The following LRRIQ3 variants were observed in gnomAD, a reference collection of about 807,000 sequenced individuals.
LRRIQ3 encodes the protein leucine-rich repeat and IQ domain-containing protein 3.
In LRRIQ3, 75 loss-of-function variants were observed where a neutral mutation model predicts 59.3. That is an observed-to-expected ratio of 1.26 (90% CI 1.05 to 1.53). The LOEUF (loss-of-function observed/expected upper bound fraction) is 1.53. LRRIQ3 is among the 40% of genes most tolerant of loss of function. The pLI is 0.00. For missense variants in LRRIQ3, 831 were observed against 710.0 expected, an observed-to-expected ratio of 1.17 and a Z score of -1.94; for synonymous variants, 250 against 231.3, an observed-to-expected ratio of 1.08 and a Z score of -0.73.
chr1:74,051,118 A>G (rs1654358069), intron 6 of LRRIQ3, among the ~76,000 whole-genome samples: 1 of 152,306 alleles, frequency 6.6e-6, no homozygotes, highest in Non-Finnish European at 1.5e-5. Flanking sequence ...TCTGAAAATT[A>G]GACATTCTGT....
At chr1:74,192,262 C>G (rs1040301975) in intron 1 of LRRIQ3, among the ~76,000 whole-genome samples, 9 of 151,986 alleles carry the variant, frequency 5.9e-5, no homozygotes, top group African/African-American at 1.9e-4. Flanking sequence ...ATTTTAGAAT[C>G]AGGGAGTACA....
At chr1:74,154,898 C>T (rs1165762572) in intron 4 of LRRIQ3, among the ~76,000 whole-genome samples, 1 of 152,158 alleles carries the variant, frequency 6.6e-6, no homozygotes, top group Non-Finnish European at 1.5e-5. Context: ...TATTTATGGT[C>T]AGTTTCACTA....
chr1:74,150,823 A>C (rs1241563764), intron 4 of LRRIQ3, among the ~76,000 whole-genome samples: 2 of 152,006 alleles, frequency 1.3e-5, no homozygotes, highest in South Asian at 2.1e-4. Context: ...AATTGCCTTA[A>C]ATTTACTCTT....
intron 6 of LRRIQ3, among the ~76,000 whole-genome samples, chr1:74,072,742 A>C (rs905519425): frequency 6.6e-6 from 1 of 152,118 alleles, no homozygotes; most frequent in African/African-American, 2.4e-5. Flanking sequence ...CCATTTTGAA[A>C]AAAAATTTAA....
Position 74,173,564 on chromosome 1 carries a change from A to G in LRRIQ3, c.573+8974T>C, listed in dbSNP as rs116000241. ...TGAGGTTTGTATCAAACCTCTTAAT[A>G]AAGTCTATTTTAAGCTGCTATAAAT... On this transcript the variant is annotated intron_variant, in intron 3 of 7. Transcript: ENST00000354431. Among the ~76,000 whole-genome samples the G allele has an allele frequency of 3.8e-3, 585 of 152,016 alleles. 5 individuals are homozygous for G. Among genetic ancestry groups the G allele is most frequent in the Non-Finnish European group, 6.3e-3 (430 of 67,958 alleles).
intron 4 of LRRIQ3, among the ~76,000 whole-genome samples, chr1:74,128,130 C>T (rs1191302731): frequency 6.6e-6 from 1 of 151,950 alleles, no homozygotes; most frequent in Non-Finnish European, 1.5e-5. Context: ...TTTTCTCTTG[C>T]TGCTTTCAGG....
chr1:74,029,331 G>A (rs1193348380), intron 7 of LRRIQ3, among the ~76,000 whole-genome samples: 1 of 152,128 alleles, frequency 6.6e-6, no homozygotes, highest in Non-Finnish European at 1.5e-5. Context: ...TGCCCATTCA[G>A]TATGACATTG....
At chr1:74,174,018 G>A (rs946930569) in intron 3 of LRRIQ3, among the ~76,000 whole-genome samples, 8 of 151,860 alleles carry the variant, frequency 5.3e-5, no homozygotes, top group Middle Eastern at 3.2e-3. Context: ...TTCTATCTAC[G>A]TGCAGATTTT....
Position 74,182,577 on chromosome 1 carries a change from G to T in LRRIQ3, c.534C>A (p.Asn178Lys), listed in dbSNP as rs144700840. 1.3e-6 allele frequency: 2 copies of T among 1,597,014 alleles called. No homozygotes were observed. Among genetic ancestry groups the T allele is most frequent in the East Asian group, 4.5e-5 (2 of 44,240 alleles). ...WHLPERFKAC[N>K]HRLFFNFCPA... Reference sequence around the variant, plus strand: ...GGCAGAAATTAAAGAAAAGTCGATGGTTACATGCTTTGAATCTTTCAGGAA... The same window carrying T: ...GGCAGAAATTAAAGAAAAGTCGATGTTTACATGCTTTGAATCTTTCAGGAA... The change falls in exon 3 of 8, where the codon AAC becomes AAA. Residue 178 changes from asparagine (N) to lysine (K), a missense_variant. Asn to Lys is a moderately conservative substitution (Grantham distance 94, BLOSUM62 0). Coordinates refer to ENST00000354431, the MANE Select transcript of LRRIQ3 (RefSeq NM_001105659.2).
chr1:74,056,352 G>A (rs1654536286), intron 6 of LRRIQ3, among the ~76,000 whole-genome samples: 1 of 151,880 alleles, frequency 6.6e-6, no homozygotes, highest in Non-Finnish European at 1.5e-5. Context: ...ATTCAACATA[G>A]TACTAGAAGT....
At chr1:74,068,858 T>TA (rs1654941823) in intron 6 of LRRIQ3, among the ~76,000 whole-genome samples, 1 of 151,034 alleles carries the variant, frequency 6.6e-6, no homozygotes, top group Non-Finnish European at 1.5e-5. Context: ...TAAAATTGCA[T>TA]AAAGCACAAG....
At chr1:74,061,657 A>G (rs1313426983) in intron 6 of LRRIQ3, among the ~76,000 whole-genome samples, 1 of 152,210 alleles carries the variant, frequency 6.6e-6, no homozygotes, top group East Asian at 1.9e-4. Flanking sequence ...CCCTGAAGGT[A>G]ACCTAGGAAA....
chr1:74,060,917 G>A (rs796982233), intron 6 of LRRIQ3, among the ~76,000 whole-genome samples: 5 of 152,160 alleles, frequency 3.3e-5, no homozygotes, highest in African/African-American at 1.2e-4. Flanking sequence ...AGTGACTTCT[G>A]GGGAAGGAGT....
chr1:74,189,255 T>C (rs1650602367), intron 1 of LRRIQ3, among the ~76,000 whole-genome samples: 1 of 152,154 alleles, frequency 6.6e-6, no homozygotes, highest in Admixed American at 6.5e-5. Flanking sequence ...TCCCAAAGCA[T>C]AAAAGCAGAA....
intron 3 of LRRIQ3, chr1:74,181,788 C>G (rs576925456): frequency 6.6e-6 from 1 of 151,704 alleles, no homozygotes; most frequent in African/African-American, 2.4e-5. Context: ...AGTTTTTCCA[C>G]GCATAATCAC....
In LRRIQ3 at chr1:74,182,764, C is replaced by T. The variant is rs1283734238; in HGVS notation, c.347G>A (p.Cys116Tyr). The change falls in exon 3 of 8, where the codon TGT becomes TAT. Residue 116 changes from cysteine (C) to tyrosine (Y), a missense_variant. Coordinates refer to ENST00000354431, the MANE Select transcript of LRRIQ3 (RefSeq NM_001105659.2). ...DNGFAKLKNICVLSACPTLIA... is the reference protein window; with the variant it reads ...DNGFAKLKNIYVLSACPTLIA... ...GAGGGTTGGACAGGCAGATAATACA[C>T]ATATATTCTTTAACTTTGCAAACCC... 1 of 1,611,212 alleles carries T rather than the reference C, an allele frequency of 6.2e-7. No homozygotes were observed. Among genetic ancestry groups the T allele is most frequent in the African/African-American group, 1.3e-5 (1 of 74,832 alleles).
chr1:74,121,075 A>C (rs930315594), intron 4 of LRRIQ3, among the ~76,000 whole-genome samples: 4 of 152,144 alleles, frequency 2.6e-5, no homozygotes, highest in Non-Finnish European at 4.4e-5. Context: ...AACTTTTCCT[A>C]TGTGCAGGAA....
intron 6 of LRRIQ3, among the ~76,000 whole-genome samples, chr1:74,048,566 C>G (rs1166536397): frequency 6.6e-6 from 1 of 152,174 alleles, no homozygotes; most frequent in African/African-American, 2.4e-5. Context: ...ATTCATCTAT[C>G]TATCCTTCCA....
chr1:74,085,559 T>G (rs1646319223), intron 5 of LRRIQ3, among the ~76,000 whole-genome samples: 1 of 151,876 alleles, frequency 6.6e-6, no homozygotes, highest in Non-Finnish European at 1.5e-5. Flanking sequence ...ACTATGTTAT[T>G]TTATTTACCA....
Sources: gnomAD v4.1 joint callset for allele counts (sites outside exome capture counted in the v4.1 genomes callset) on GRCh38, gnomAD v4.1.1 for gene constraint, MANE v1.5 for transcripts, NCBI Gene and HGNC (gene_info 2026-07-23, HGNC 2026-07-21) for gene names.